CD3E: variants seen among roughly 807,000 people sequenced by gnomAD.
The protein encoded by CD3E is CD3 epsilon subunit of T-cell receptor complex.
A neutral mutation model predicts 34.7 loss-of-function variants in CD3E; 16 were observed. That is an observed-to-expected ratio of 0.46 (90% CI 0.31 to 0.70). CD3E has a LOEUF of 0.70. Ranked by LOEUF, CD3E falls within the 30% of genes least tolerant of loss-of-function variation. The pLI, the probability that CD3E is intolerant of heterozygous loss-of-function variation, is 0.05. For missense variants in CD3E, 223 were observed against 253.9 expected (o/e 0.88, Z 0.83); for synonymous variants, 70 against 90.8 (o/e 0.77, Z 1.30).
intron 8 of CD3E, among the ~76,000 whole-genome samples, 176 bp from the exon 9 acceptor site, chr11:118,315,310 G>A (rs1027073216): frequency 6.6e-6 from 1 of 152,096 alleles, no homozygotes; most frequent in Non-Finnish European, 1.5e-5. Context: ...TGAGGCTCAC[G>A]GAAGGAGGTG....
At chr11:118,313,077 C>T (rs1198266969) in intron 6 of CD3E, 2 of 636,816 alleles carry the variant, frequency 3.1e-6, no homozygotes, top group East Asian at 3.0e-5. Context: ...TGGGTAACCC[C>T]AGTCTGTGCG....
Position 118,316,079 on chromosome 11 carries a change from C to A in CD3E, c.*537C>A, listed in dbSNP as rs201243995. 2 of 166,708 alleles carry A rather than the reference C, an allele frequency of 1.2e-5. No homozygotes were observed. The highest frequency in any genetic ancestry group is 1.7e-4 in the East Asian group (1 of 5,842). The allele number at this position is 166,708 out of a possible 1,614,324, so 10.3% of individuals were successfully genotyped here. A position where few individuals can be genotyped will look rare whatever the true frequency, so the allele number is the denominator to read the frequency against. On this transcript the variant is annotated 3_prime_UTR_variant, in exon 9 of 9. Transcript: ENST00000361763. ...TAATCCCCTACTCCCTCCACCCCCC[C>A]TCCACTGTAGGCCACTGGATGGTCA...
chr11:118,315,120 ACT>A (rs1382352971), intron 8 of CD3E, among the ~76,000 whole-genome samples: 1 of 151,988 alleles, frequency 6.6e-6, no homozygotes, highest in Non-Finnish European at 1.5e-5. Flanking sequence ...GTATGTGTGC[ACT>A]CCTAGTTGTT....
At chr11:118,308,305 G>A in intron 3 of CD3E, 122 bp from the exon 4 acceptor site, 1 of 756,370 alleles carries the variant, frequency 1.3e-6, no homozygotes, top group Non-Finnish European at 2.4e-6. Context: ...ATGCAGCTGA[G>A]GGAATTGGAA....
At chr11:118,310,910 CTT>C (rs1948132030) in intron 4 of CD3E, among the ~76,000 whole-genome samples, 1 of 152,150 alleles carries the variant, frequency 6.6e-6, no homozygotes, top group South Asian at 2.1e-4. Context: ...TCTGTGCAGT[CTT>C]TGTCAGAGGG....
chr11:118,311,311 T>C (rs1460640722), intron 4 of CD3E, among the ~76,000 whole-genome samples: 1 of 152,144 alleles, frequency 6.6e-6, no homozygotes, highest in East Asian at 1.9e-4. Context: ...TTCCAGGAAA[T>C]AATAAAGGAC....
chr11:118,305,176 G>A lies in CD3E; in HGVS notation c.49+175G>A, dbSNP rs139878287. Among the ~76,000 whole-genome samples the A allele has an allele frequency of 5.2e-3, 785 of 152,346 alleles. 12 individuals are homozygous for A. Among genetic ancestry groups the A allele is most frequent in the African/African-American group, 0.018 (737 of 41,578 alleles). On this transcript the variant is annotated intron_variant, in intron 2 of 8. Coordinates refer to ENST00000361763, the MANE Select transcript of CD3E (RefSeq NM_000733.4). ...GGGACTAAAGAAAAAGATAGGCCAC[G>A]GGTGCCTGGGAGAGCGTTCGGGGAG... is the stretch of plus-strand genomic sequence containing the variant.
At chr11:118,308,571 G>A in intron 4 of CD3E, 130 bp downstream of exon 4, 1 of 711,282 alleles carries the variant, frequency 1.4e-6, no homozygotes, top group African/African-American at 1.7e-5. Context: ...CTTTCAATGG[G>A]ATCCGTATGA....
Position 118,315,986 on chromosome 11 carries a change from C to CT in CD3E, c.*444_*445insT, listed in dbSNP as rs1231063299. ...GTAAATGTTGACAGAGGCCCTGCCCCGTTCACAGATCCTGGCCCTGAGCCA... is the reference window on the plus strand; with the variant it reads ...GTAAATGTTGACAGAGGCCCTGCCCCTGTTCACAGATCCTGGCCCTGAGCCA... On this transcript the variant is annotated 3_prime_UTR_variant, in exon 9 of 9. Transcript: ENST00000361763. 4.0e-6 allele frequency: 1 copy of CT among 248,964 alleles called. No individual in the cohort carries two copies. Among genetic ancestry groups the CT allele is most frequent in the Non-Finnish European group, 7.9e-6 (1 of 126,068 alleles). 15.4% of individuals were successfully genotyped at this position (248,964 alleles called of 1,614,324 possible). A position where few individuals can be genotyped will look rare whatever the true frequency, so the allele number is the denominator to read the frequency against.
In CD3E at chr11:118,308,439, T is replaced by C; in HGVS notation, c.83T>C (p.Met28Thr). 2 of 1,590,732 alleles carry C rather than the reference T, an allele frequency of 1.3e-6. No individual in the cohort carries two copies. Among genetic ancestry groups the C allele is most frequent in the Middle Eastern group, 1.7e-4 (1 of 6,018 alleles). The part of the protein sequence containing the change: ...GVWGQDGNEE[M>T]GGITQTPYKV... ...GTTTCCTTTTCAGGTAATGAAGAAA[T>C]GGGTAAGAAGATTTCCACTCTATCT... The change falls in exon 4 of 9, where the codon ATG becomes ACG. Residue 28 changes from methionine to threonine, a missense_variant and splice_region_variant. Physicochemically the swap from Met to Thr is moderately conservative, Grantham distance 81 (BLOSUM62 -1). Coordinates refer to ENST00000361763, the MANE Select transcript of CD3E (RefSeq NM_000733.4).
Position 118,312,976 on chromosome 11 carries a change from C to T in CD3E, c.352+110C>T, listed in dbSNP as rs760088280. The T allele has an allele frequency of 9.0e-5, 108 of 1,206,546 alleles. 2 individuals carry two copies. In the East Asian group the frequency reaches 1.4e-3, roughly 16 times the overall value. The allele number at this position is 1,206,546 out of a possible 1,614,324, so 74.7% of individuals were successfully genotyped here. A position where few individuals can be genotyped will look rare whatever the true frequency, so the allele number is the denominator to read the frequency against. ...AGCTCACAGTGCCCAGGCGTCTTTG[C>T]GCTTCCTCCCACACTCAATCCTGGG... On this transcript the variant is annotated intron_variant, in intron 6 of 8. Transcript: ENST00000361763.
At position 118,304,984 on chromosome 11, in the gene CD3E, G is replaced by A; in HGVS notation, c.32G>A (p.Gly11Asp). ...TCGGGCACTCACTGGAGAGTTCTGG[G>A]CCTCTGCCTCTTATCAGGTGAGTAG... MQSGTHWRVL[G>D]LCLLSVGVWG... Residue 11 changes from glycine (G) to aspartate (D), a missense_variant, in exon 2 of 9, where the codon GGC (glycine) becomes GAC (aspartate). By Grantham distance (94) the Gly-to-Asp change is moderately conservative. Coordinates refer to ENST00000361763, the MANE Select transcript of CD3E (RefSeq NM_000733.4). 2 of 1,614,008 alleles carry A rather than the reference G, an allele frequency of 1.2e-6. No homozygotes were observed. The highest frequency in any genetic ancestry group is 2.2e-5 in the South Asian group (2 of 91,078).
At chr11:118,305,913 A>G (rs1948102803) in intron 2 of CD3E, among the ~76,000 whole-genome samples, 1 of 152,214 alleles carries the variant, frequency 6.6e-6, no homozygotes, top group Admixed American at 6.5e-5. Context: ...TCAGACCCAC[A>G]GCAACGATGT....
At chr11:118,312,394 C>G in intron 5 of CD3E, 1 of 704,020 alleles carries the variant, frequency 1.4e-6, no homozygotes, top group Non-Finnish European at 2.4e-6. Flanking sequence ...ACCCTAAAGC[C>G]ACCTCTCAAA....
At chr11:118,308,758 T>C (rs1292442325) in intron 4 of CD3E, among the ~76,000 whole-genome samples, 1 of 152,220 alleles carries the variant, frequency 6.6e-6, no homozygotes, top group Non-Finnish European at 1.5e-5. Flanking sequence ...GTCTGGCACA[T>C]AGTAGGTGCT....
At chr11:118,307,514 A>T (rs1167749530) in intron 3 of CD3E, among the ~76,000 whole-genome samples, 1 of 152,164 alleles carries the variant, frequency 6.6e-6, no homozygotes, top group Non-Finnish European at 1.5e-5. Context: ...GGAAATAATG[A>T]GTCTTAACCA....
intron 2 of CD3E, among the ~76,000 whole-genome samples, chr11:118,306,147 T>G (rs552611997): frequency 3.3e-5 from 5 of 152,080 alleles, no homozygotes; most frequent in Non-Finnish European, 5.9e-5. Flanking sequence ...GCCAGGCATT[T>G]TCTTAGAGAC....
rs952822130 is a variant in CD3E, at chr11:118,315,341, G to A, written c.568-145G>A. 1.1e-4 allele frequency: 79 copies of A among 695,612 alleles called. No homozygotes were observed. In the Middle Eastern group the frequency reaches 2.1e-3, roughly 19 times the overall value. 43.1% of individuals were successfully genotyped at this position (695,612 alleles called of 1,614,324 possible). A position where few individuals can be genotyped will look rare whatever the true frequency, so the allele number is the denominator to read the frequency against. On this transcript the variant is annotated intron_variant, in intron 8 of 8. Coordinates refer to ENST00000361763, the MANE Select transcript of CD3E (RefSeq NM_000733.4). ...AGGTGACCAGCTCAAGTCTCCTACCGTCCATGCCAAATTAGAATTCCAGCC... is the reference window on the plus strand; with the variant it reads ...AGGTGACCAGCTCAAGTCTCCTACCATCCATGCCAAATTAGAATTCCAGCC...
Position 118,304,958 on chromosome 11 carries a change from G to A in CD3E, c.6G>A (p.Gln2=), listed in dbSNP as rs1565509562. The A allele has an allele frequency of 3.1e-6, 5 of 1,614,068 alleles. No homozygotes were observed. Among genetic ancestry groups the A allele is most frequent in the Non-Finnish European group, 2.5e-6 (3 of 1,179,912 alleles). ...AACAGTCCCATGAAACAAAGATGCA[G>A]TCGGGCACTCACTGGAGAGTTCTGG... is the stretch of plus-strand genomic sequence containing the variant. The part of the protein sequence containing the change: M[Q]SGTHWRVLGL... The change falls in exon 2 of 9, where the codon CAG becomes CAA. Residue 2 remains glutamine, a synonymous_variant. Coordinates refer to ENST00000361763, the MANE Select transcript of CD3E (RefSeq NM_000733.4).
Sources: allele counts gnomAD v4.1 joint callset (sites outside exome capture counted in the v4.1 genomes callset), GRCh38; gene constraint gnomAD v4.1.1; transcripts MANE v1.5; gene names NCBI Gene and HGNC (gene_info 2026-07-23, HGNC 2026-07-21).